MAN2B2: variants seen among roughly 807,000 people sequenced by gnomAD.
MAN2B2 encodes the protein mannosidase alpha class 2B member 2.
Under a neutral mutation model 117.1 loss-of-function variants are expected in MAN2B2, and 106 were observed. That is an observed-to-expected ratio of 0.90 (90% CI 0.77 to 1.06). The LOEUF is 1.06. Ranked by LOEUF, MAN2B2 falls within the 50% of genes least tolerant of loss-of-function variation. MAN2B2 has a pLI of 0.00. For missense variants in MAN2B2, 1,326 were observed against 1,381.4 expected, an observed-to-expected ratio of 0.96 and a Z score of 0.64; for synonymous variants, 544 against 595.1, an observed-to-expected ratio of 0.91 and a Z score of 1.25.
chr4:6,610,807 TG>T, intron 13 of MAN2B2, 72 bp from the exon 14 acceptor site: 1 of 1,289,008 alleles, frequency 7.8e-7, no homozygotes, highest in Non-Finnish European at 1.1e-6. Flanking sequence ...CCAGCTGGGG[TG>T]GCCAGAGGGT....
At chr4:6,597,576 C>T (rs775407540) in intron 8 of MAN2B2, among the ~76,000 whole-genome samples, 7 of 152,202 alleles carry the variant, frequency 4.6e-5, no homozygotes, top group Non-Finnish European at 7.3e-5. Context: ...CATTTGTGTC[C>T]GACAGCCCTG....
chr4:6,579,126 CCACCACCACCACCAT>C (rs1726232560), intron 3 of MAN2B2, among the ~76,000 whole-genome samples: 1 of 56,880 alleles, frequency 1.8e-5, no homozygotes, highest in Non-Finnish European at 3.7e-5. Flanking sequence ...ATCACCACTA[CCACCACCACCACCAT>C]CACCACCACC....
At chr4:6,600,194 C>T (rs112760872) in intron 9 of MAN2B2, among the ~76,000 whole-genome samples, 1 of 152,140 alleles carries the variant, frequency 6.6e-6, no homozygotes, top group Non-Finnish European at 1.5e-5. Flanking sequence ...TGGACTTGAC[C>T]CTCTGGGCTC....
At position 6,609,968 on chromosome 4, in the gene MAN2B2, A is replaced by G. The variant is rs1300106689; in HGVS notation, c.2177A>G (p.Gln726Arg). The change falls in exon 13 of 19, where the codon CAG becomes CGG. Residue 726 changes from glutamine (Q) to arginine (R), a missense_variant. By Grantham distance (43) the Gln-to-Arg change is conservative. Coordinates refer to ENST00000285599, the MANE Select transcript of MAN2B2 (RefSeq NM_015274.3). Reference protein sequence around the residue: ...VLRTSTNLNSQQVIYSDNNGY... With the variant: ...VLRTSTNLNSRQVIYSDNNGY... ...AGGACCAGCACCAACCTAAACAGCCAGCAGGTCATCTACTCAGACAACAAC... is the reference window on the plus strand; with the variant it reads ...AGGACCAGCACCAACCTAAACAGCCGGCAGGTCATCTACTCAGACAACAAC... 1.9e-6 allele frequency: 3 copies of G among 1,614,080 alleles called. No homozygotes were observed. The highest frequency in any genetic ancestry group is 2.2e-5 in the East Asian group (1 of 44,890).
At position 6,600,610 on chromosome 4, in the gene MAN2B2, TCTC is replaced by T; in HGVS notation, c.1406-12_1406-10del. 1 of 1,613,320 alleles carries T rather than the reference TCTC, an allele frequency of 6.2e-7. No individual in the cohort carries two copies. Among genetic ancestry groups the T allele is most frequent in the Non-Finnish European group, 8.5e-7 (1 of 1,179,746 alleles). On this transcript the variant is annotated splice_polypyrimidine_tract_variant and intron_variant, in intron 9 of 18. Transcript: ENST00000285599. ...GTCACATGGCACAAGCAAAGCCTCTTCTCTGTGTGCAGATGCAGGACCTGCAGG... is the reference window on the plus strand; with the variant it reads ...GTCACATGGCACAAGCAAAGCCTCTTTGTGTGCAGATGCAGGACCTGCAGG...
intron 17 of MAN2B2, chr4:6,617,846 AGTTT>A: frequency 1.3e-4 from 14 of 108,282 alleles, no homozygotes; most frequent in South Asian, 2.0e-4. Flanking sequence ...ACGATGGCTA[AGTTT>A]TTTTTTTTTT....
At chr4:6,611,525 T>G (rs6815746) in intron 15 of MAN2B2, among the ~76,000 whole-genome samples, 36,827 of 151,998 alleles carry the variant, frequency 0.24, 4,949 homozygotes, top group African/African-American at 0.36. Flanking sequence ...ATATGCCTCT[T>G]CCCTGTATCT....
Position 6,604,032 on chromosome 4 carries a change from C to T in MAN2B2, c.1540-1023C>T, listed in dbSNP as rs149222440. ...CCAGGAGGGTTAACCTGGAAAAGTC[C>T]GTCCACGTGGGGATGAGAAGATTGG... On this transcript the variant is annotated intron_variant, in intron 10 of 18. Transcript: ENST00000285599. Among the ~76,000 whole-genome samples the T allele has an allele frequency of 1.2e-3, 183 of 152,312 alleles. 2 individuals are homozygous for T. Among genetic ancestry groups the T allele is most frequent in the Non-Finnish European group, 2.3e-3 (156 of 68,040 alleles).
chr4:6,597,261 G>A lies in MAN2B2; in HGVS notation c.1206G>A (p.Trp402Ter). 1 of 1,583,958 alleles carries A rather than the reference G, an allele frequency of 6.3e-7. No individual in the cohort carries two copies. Among genetic ancestry groups the A allele is most frequent in the Non-Finnish European group, 8.6e-7 (1 of 1,164,336 alleles). ...CCCGTGGGCATCTGGACCCCACCTG[G>A]GCCCTGCAGCAGCTCCAGCAGCTTC... is the stretch of plus-strand genomic sequence containing the variant. ...PAPRGHLDPT[W>*]ALQQLQQLRW... is the part of the protein sequence containing the mutation. The change falls in exon 8 of 19, where the codon TGG becomes TGA. Residue 402 changes from tryptophan to a stop codon, truncating the protein, a stop_gained. Transcript: ENST00000285599. LOFTEE classifies it high-confidence loss of function.
intron 15 of MAN2B2, among the ~76,000 whole-genome samples, chr4:6,612,210 G>A (rs1215480746): frequency 1.3e-5 from 2 of 152,240 alleles, no homozygotes; most frequent in Non-Finnish European, 2.9e-5. Flanking sequence ...CACTTGCAGT[G>A]TGCCTGTGCC....
intron 2 of MAN2B2, among the ~76,000 whole-genome samples, chr4:6,578,047 A>C (rs1259600292): frequency 6.6e-6 from 1 of 152,222 alleles, no homozygotes; most frequent in Non-Finnish European, 1.5e-5. Flanking sequence ...GATGTTAAGC[A>C]AATAGGTTAA....
At chr4:6,593,405 A>G in intron 6 of MAN2B2, 55 bp downstream of exon 6, 1 of 1,539,134 alleles carries the variant, frequency 6.5e-7, no homozygotes, top group African/African-American at 1.4e-5. Flanking sequence ...AGCACTATGC[A>G]AGCCCTGGTC....
At chr4:6,597,640 C>G (rs560062056) in intron 8 of MAN2B2, among the ~76,000 whole-genome samples, 4 of 152,346 alleles carry the variant, frequency 2.6e-5, no homozygotes, top group Admixed American at 6.5e-5. Context: ...GATTCCCACA[C>G]CCACCCAAGA....
At position 6,598,912 on chromosome 4, in the gene MAN2B2, G is replaced by A. The variant is rs28612204; in HGVS notation, c.1405+558G>A. 2.5e-3 allele frequency among the ~76,000 whole-genome samples: 382 copies of A among 152,360 alleles called. 2 individuals are homozygous for A. The highest frequency in any genetic ancestry group is 8.9e-3 in the African/African-American group (371 of 41,586). On this transcript the variant is annotated intron_variant, in intron 9 of 18. Coordinates refer to ENST00000285599, the MANE Select transcript of MAN2B2 (RefSeq NM_015274.3). ...AGCCGTGGGACCAGCCTCTTTGACT[G>A]TGAGTTTTCCCACGTGTAGAGTGAC...
chr4:6,620,911 A>C (rs1021874189), intron 18 of MAN2B2: 2 of 430,076 alleles, frequency 4.7e-6, no homozygotes, highest in African/African-American at 4.0e-5. Flanking sequence ...CAACCTATGA[A>C]TTGCCCTCAG....
chr4:6,589,266 G>C, intron 5 of MAN2B2, 106 bp downstream of exon 5: 2 of 855,556 alleles, frequency 2.3e-6, no homozygotes, highest in Non-Finnish European at 3.7e-6. Flanking sequence ...TAAGACAAGA[G>C]CTTCTGCTCT....
chr4:6,611,820 G>T (rs1711577318), intron 15 of MAN2B2, among the ~76,000 whole-genome samples: 1 of 152,128 alleles, frequency 6.6e-6, no homozygotes, highest in Non-Finnish European at 1.5e-5. Flanking sequence ...GACAAGTTGG[G>T]TCTGAATCTA....
rs1329795773 is a variant in MAN2B2 at position 6,611,120 on chromosome 4, A to C, written c.2405A>C (p.Asp802Ala). 3.1e-6 allele frequency: 5 copies of C among 1,613,572 alleles called. No individual in the cohort carries two copies. The highest frequency in any genetic ancestry group is 4.2e-6 in the Non-Finnish European group (5 of 1,179,858). ...MLHRRLWNNF[D>A]WDLGYNLTLN... The stretch of plus-strand genomic sequence containing the variant: ...CACCGGCGGCTGTGGAACAACTTCG[A>C]CTGGGACCTGGGCTACAACCTCACG... The change falls in exon 15 of 19, where the codon GAC (aspartate) becomes GCC (alanine). Residue 802 changes from aspartate to alanine, a missense_variant. Asp to Ala is a moderately radical substitution (Grantham distance 126, BLOSUM62 -2). Transcript: ENST00000285599.
intron 6 of MAN2B2, among the ~76,000 whole-genome samples, chr4:6,593,600 C>G (rs548448398): frequency 1.3e-5 from 2 of 152,238 alleles, no homozygotes; most frequent in Admixed American, 1.3e-4. Context: ...CTGCCTGGGC[C>G]GGGCTGGCTC....
Sources: gnomAD v4.1 joint callset for allele counts (sites outside exome capture counted in the v4.1 genomes callset) on GRCh38, gnomAD v4.1.1 for gene constraint, MANE v1.5 for transcripts, NCBI Gene and HGNC (gene_info 2026-07-23, HGNC 2026-07-21) for gene names.